Variants in MAN1A1 observed in about 807,000 individuals in gnomAD.
MAN1A1 encodes the protein mannosyl-oligosaccharide 1,2-alpha-mannosidase IA.
MAN1A1 carries 29 observed loss-of-function variants against 70.8 expected under a neutral mutation model. The ratio of observed to expected loss-of-function variants is 0.41; its 90% CI spans 0.31 to 0.56. The LOEUF is 0.56. Among genes scored for constraint, MAN1A1 ranks in the 20% least tolerant of loss-of-function variants. MAN1A1 has a pLI of 0.29. For missense variants in MAN1A1, 747 were observed against 841.3 expected, an observed-to-expected ratio of 0.89 and a Z score of 1.39; for synonymous variants, 349 against 330.1, an observed-to-expected ratio of 1.06 and a Z score of -0.62.
intron 2 of MAN1A1, among the ~76,000 whole-genome samples, chr6:119,346,308 A>C (rs1021149205): frequency 1.3e-5 from 2 of 152,138 alleles, no homozygotes; most frequent in Non-Finnish European, 2.9e-5. Context: ...ACAGCATCAT[A>C]ATTTCTTTTT....
At chr6:119,219,627 C>CAAAAAA (rs66760342) in intron 6 of MAN1A1, among the ~76,000 whole-genome samples, 2 of 145,490 alleles carry the variant, frequency 1.4e-5, no homozygotes, top group Non-Finnish European at 1.5e-5. Context: ...GACATCTACT[C>CAAAAAA]AAAAAAAAAA....
chr6:119,187,394 A>C (rs1351373479), intron 11 of MAN1A1, among the ~76,000 whole-genome samples: 1 of 152,250 alleles, frequency 6.6e-6, no homozygotes, highest in African/African-American at 2.4e-5. Context: ...AATGTAAAGA[A>C]ATTACAATGA....
At chr6:119,246,940 G>A (rs1224806222) in intron 6 of MAN1A1, among the ~76,000 whole-genome samples, 6 of 151,966 alleles carry the variant, frequency 3.9e-5, no homozygotes, top group East Asian at 1.9e-4. Flanking sequence ...AATAGAGAAC[G>A]ATTAATATCT....
At chr6:119,346,918 T>C (rs1424911658) in intron 2 of MAN1A1, among the ~76,000 whole-genome samples, 1 of 152,196 alleles carries the variant, frequency 6.6e-6, no homozygotes, top group East Asian at 1.9e-4. Context: ...TTAAGGAGTC[T>C]GGGAGGATTT....
chr6:119,263,003 C>T (rs117097146), intron 5 of MAN1A1, among the ~76,000 whole-genome samples: 4,249 of 152,174 alleles, frequency 0.028, 93 homozygotes, highest in Non-Finnish European at 0.045. Context: ...GGCAGAAAAA[C>T]GTGAAAAGGA....
chr6:119,236,288 CTT>C (rs1326172548), intron 6 of MAN1A1, among the ~76,000 whole-genome samples: 1 of 152,142 alleles, frequency 6.6e-6, no homozygotes, highest in Non-Finnish European at 1.5e-5. Context: ...CAAAAAGAAT[CTT>C]TTCAAAATAT....
chr6:119,343,970 A>G (rs982049113), intron 2 of MAN1A1, among the ~76,000 whole-genome samples: 1 of 152,234 alleles, frequency 6.6e-6, no homozygotes, highest in Non-Finnish European at 1.5e-5. Flanking sequence ...ACACATGCTT[A>G]AAATTCTCTT....
At chr6:119,195,945 C>T (rs138910914) in intron 8 of MAN1A1, among the ~76,000 whole-genome samples, 3 of 152,274 alleles carry the variant, frequency 2.0e-5, no homozygotes, top group East Asian at 1.9e-4. Context: ...AGACTAAGTA[C>T]GAACTCATCA....
At position 119,300,189 on chromosome 6, in the gene MAN1A1, C is replaced by T. The variant is rs542030171; in HGVS notation, c.816+1799G>A. 1.1e-4 allele frequency among the ~76,000 whole-genome samples: 17 copies of T among 152,074 alleles called. No homozygotes were observed. The South Asian group carries it at 3.3e-3, about 30-fold the overall frequency. On this transcript the variant is annotated intron_variant, in intron 4 of 12. Transcript: ENST00000368468. ...TCATACATAGCTAAAGAAAAGCCTG[C>T]AGGTTTTTGAAGGTAGGAGCTGATT...
intron 2 of MAN1A1, among the ~76,000 whole-genome samples, chr6:119,337,309 A>G (rs990962949): frequency 6.6e-6 from 1 of 152,214 alleles, no homozygotes; most frequent in African/African-American, 2.4e-5. Context: ...CCATGAGTAT[A>G]TACATTAGAA....
At chr6:119,342,977 C>T (rs1026443420) in intron 2 of MAN1A1, among the ~76,000 whole-genome samples, 1 of 152,042 alleles carries the variant, frequency 6.6e-6, no homozygotes, top group Admixed American at 6.6e-5. Context: ...TTACAAATGC[C>T]TGTGCTTCTT....
intron 2 of MAN1A1, among the ~76,000 whole-genome samples, chr6:119,329,132 C>T (rs532406033): frequency 6.6e-6 from 1 of 152,162 alleles, no homozygotes; most frequent in South Asian, 2.1e-4. Flanking sequence ...ACTCCACCCC[C>T]CTGGCCATAG....
At chr6:119,214,781 C>T (rs113038856) in intron 6 of MAN1A1, among the ~76,000 whole-genome samples, 30 of 152,256 alleles carry the variant, frequency 2.0e-4, no homozygotes, top group African/African-American at 6.5e-4. Flanking sequence ...GCTGAGATTA[C>T]AGGCATGAAC....
intron 2 of MAN1A1, among the ~76,000 whole-genome samples, chr6:119,330,299 CT>C (rs1773274000): frequency 6.6e-6 from 1 of 152,056 alleles, no homozygotes; most frequent in African/African-American, 2.4e-5. Flanking sequence ...TCCATTACCC[CT>C]CTCCACTCCT....
intron 3 of MAN1A1, among the ~76,000 whole-genome samples, chr6:119,302,398 T>C (rs1487920774): frequency 1.3e-5 from 2 of 152,098 alleles, no homozygotes; most frequent in Non-Finnish European, 2.9e-5. Flanking sequence ...TTTTTTTTTT[T>C]TGAGATGGAG....
intron 4 of MAN1A1, among the ~76,000 whole-genome samples, chr6:119,301,069 T>G (rs1287447715): frequency 1.3e-5 from 2 of 152,202 alleles, no homozygotes; most frequent in African/African-American, 4.8e-5. Context: ...TTTGTCCACT[T>G]TCAACACACA....
At chr6:119,288,173 G>T (rs1334970811) in intron 5 of MAN1A1, among the ~76,000 whole-genome samples, 1 of 151,850 alleles carries the variant, frequency 6.6e-6, no homozygotes, top group African/African-American at 2.4e-5. Context: ...TTCTTCTCCT[G>T]CTTTTGCATA....
chr6:119,284,626 C>A (rs1776312578), intron 5 of MAN1A1, among the ~76,000 whole-genome samples: 1 of 151,716 alleles, frequency 6.6e-6, no homozygotes, highest in Non-Finnish European at 1.5e-5. Context: ...TAATGCAGAC[C>A]TTTGGAATTA....
intron 2 of MAN1A1, among the ~76,000 whole-genome samples, chr6:119,323,549 T>C (rs1289088703): frequency 6.6e-6 from 1 of 152,136 alleles, no homozygotes; most frequent in African/African-American, 2.4e-5. Context: ...GTTATTTTTG[T>C]TTGTGTCTTG....
Sources: allele counts gnomAD v4.1 joint callset (sites outside exome capture counted in the v4.1 genomes callset), GRCh38; gene constraint gnomAD v4.1.1; transcripts MANE v1.5; gene names NCBI Gene and HGNC (gene_info 2026-07-23, HGNC 2026-07-21).